Variants in GPAM observed in about 807,000 individuals in gnomAD.
GPAM encodes glycerol-3-phosphate acyltransferase 1, mitochondrial.
Under a neutral mutation model 105.0 loss-of-function variants are expected in GPAM, and 56 were observed. The ratio of observed to expected loss-of-function variants is 0.53; its 90% CI spans 0.43 to 0.67. The LOEUF (loss-of-function observed/expected upper bound fraction) is 0.67, where lower values mean the gene tolerates loss of function less well. GPAM is among the 30% of genes least tolerant of loss of function. The pLI, the probability that GPAM is intolerant of heterozygous loss-of-function variation, is 0.00. For synonymous variants in GPAM, 368 were observed against 354.4 expected (o/e 1.04, Z -0.43); for missense variants, 855 against 989.8 (o/e 0.86, Z 1.83).
intron 1 of GPAM, among the ~76,000 whole-genome samples, chr10:112,190,510 A>AG (rs1023422803): frequency 5.4e-5 from 8 of 149,162 alleles, no homozygotes; most frequent in African/African-American, 9.8e-5. Context: ...AAAAAAAAAA[A>AG]AAAAGAAAAG....
chr10:112,167,229 C>G (rs769678667), intron 11 of GPAM, among the ~76,000 whole-genome samples: 1 of 152,114 alleles, frequency 6.6e-6, no homozygotes, highest in Admixed American at 6.6e-5. Flanking sequence ...GAGCCGTAAG[C>G]TTGAAATAAG....
intron 1 of GPAM, among the ~76,000 whole-genome samples, chr10:112,208,967 G>T (rs1847881163): frequency 6.6e-6 from 1 of 152,202 alleles, no homozygotes; most frequent in Admixed American, 6.5e-5. Flanking sequence ...ACTGGCGTTG[G>T]CTGGAGAAGG....
intron 17 of GPAM, among the ~76,000 whole-genome samples, chr10:112,159,366 A>G (rs2803609): frequency 0.71 from 107,753 of 151,120 alleles, 38,517 homozygotes; most frequent in South Asian, 0.83. Flanking sequence ...GACTACAGGC[A>G]GGTGCTACTA....
intron 4 of GPAM, among the ~76,000 whole-genome samples, chr10:112,180,146 T>C (rs1306155926): frequency 1.3e-5 from 2 of 152,232 alleles, no homozygotes; most frequent in African/African-American, 4.8e-5. Context: ...TAATGTTAAG[T>C]GCTAAAGTTC....
chr10:112,213,190 A>G (rs1847931713), intron 1 of GPAM, among the ~76,000 whole-genome samples: 1 of 152,194 alleles, frequency 6.6e-6, no homozygotes, highest in East Asian at 1.9e-4. Flanking sequence ...GCTATCATTC[A>G]TTCATTTCTC....
At chr10:112,180,630 A>T (rs780907264) in intron 3 of GPAM, 35 bp from the exon 4 acceptor site, 1 of 1,581,326 alleles carries the variant, frequency 6.3e-7, no homozygotes, top group Non-Finnish European at 8.7e-7. Context: ...TAGTTTCTAA[A>T]TGGCAAGAGA....
intron 1 of GPAM, among the ~76,000 whole-genome samples, chr10:112,200,068 A>T (rs974300178): frequency 2.6e-5 from 4 of 151,500 alleles, no homozygotes; most frequent in African/African-American, 9.7e-5. Flanking sequence ...CCACACTTGG[A>T]TCTTGTTCTT....
chr10:112,188,199 C>A (rs973936904), upstream of GPAM, among the ~76,000 whole-genome samples: 2 of 151,814 alleles, frequency 1.3e-5, no homozygotes, highest in South Asian at 4.2e-4. Context: ...TCAACGAAAG[C>A]AGAAAAATTT....
intron 1 of GPAM, among the ~76,000 whole-genome samples, chr10:112,212,453 C>T (rs1847921987): frequency 1.3e-5 from 2 of 152,036 alleles, no homozygotes; most frequent in South Asian, 2.1e-4. Context: ...TCAGTAGAGA[C>T]GGGATTTCAC....
In GPAM at chr10:112,153,229, A is replaced by C. The variant is rs113136146; in HGVS notation, c.*321T>G. The stretch of plus-strand genomic sequence containing the variant: ...CATTTCTGTGTCCATCACAGTAATT[A>C]GTCCTTAAAAGTTGTACTTAAAATG... On this transcript the variant is annotated 3_prime_UTR_variant, in exon 22 of 22. Coordinates refer to ENST00000348367, the MANE Select transcript of GPAM (RefSeq NM_001244949.2). 1.7e-6 allele frequency: 2 copies of C among 1,172,752 alleles called. No individual in the cohort carries two copies. Among genetic ancestry groups the C allele is most frequent in the Non-Finnish European group, 2.1e-6 (2 of 937,504 alleles). 72.6% of individuals were successfully genotyped at this position (1,172,752 alleles called of 1,614,324 possible).
chr10:112,158,462 T>C, intron 17 of GPAM, 69 bp from the exon 18 acceptor site: 1 of 987,896 alleles, frequency 1.0e-6, no homozygotes, highest in East Asian at 2.4e-5. Flanking sequence ...GCAGAAAACA[T>C]GGTACAAGGT....
At chr10:112,175,036 G>A (rs1229571324) in intron 6 of GPAM, among the ~76,000 whole-genome samples, 3 of 152,084 alleles carry the variant, frequency 2.0e-5, no homozygotes, top group Non-Finnish European at 4.4e-5. Context: ...GAGTACGGGA[G>A]TTTGGAACAT....
intron 1 of GPAM, among the ~76,000 whole-genome samples, chr10:112,193,609 T>C (rs1488410818): frequency 6.6e-6 from 1 of 152,186 alleles, no homozygotes; most frequent in Non-Finnish European, 1.5e-5. Context: ...TCAGAATCTG[T>C]AAAGTGGCAG....
At chr10:112,164,397 TAAGAG>T (rs778463447) in intron 13 of GPAM, 123 bp downstream of exon 13, 2 of 684,912 alleles carry the variant, frequency 2.9e-6, no homozygotes, top group East Asian at 2.7e-5. Context: ...CTTATTGGAC[TAAGAG>T]AAAAGTTACT....
At chr10:112,161,955 A>T (rs1404128639) in intron 14 of GPAM, among the ~76,000 whole-genome samples, 1 of 152,220 alleles carries the variant, frequency 6.6e-6, no homozygotes, top group African/African-American at 2.4e-5. Context: ...CAACAGGCTA[A>T]GTAAGACAGG....
At chr10:112,166,325 G>T in intron 12 of GPAM, 77 bp downstream of exon 12, 1 of 803,186 alleles carries the variant, frequency 1.2e-6, no homozygotes, top group Non-Finnish European at 2.3e-6. Flanking sequence ...ACAGAGAGGT[G>T]CTGTTAAGAG....
chr10:112,198,686 G>A (rs1349425911), intron 1 of GPAM, among the ~76,000 whole-genome samples: 3 of 152,196 alleles, frequency 2.0e-5, no homozygotes, highest in Middle Eastern at 3.4e-3. Context: ...ATATCCAAAC[G>A]AATTGAAATT....
At chr10:112,175,740 AT>A (rs1418867374) in intron 5 of GPAM, 27 bp from the exon 6 acceptor site, 2 of 1,372,742 alleles carry the variant, frequency 1.5e-6, no homozygotes, top group Non-Finnish European at 2.1e-6. Flanking sequence ...GCAGAGAAGT[AT>A]TAGAGGTACC....
intron 20 of GPAM, 34 bp downstream of exon 20, chr10:112,155,830 A>AAT: frequency 1.5e-6 from 2 of 1,370,142 alleles, no homozygotes; most frequent in Non-Finnish European, 2.0e-6. Flanking sequence ...AAAAAAAAAA[A>AAT]GATTTTAAAA....
Sources: gnomAD v4.1 joint callset for allele counts (sites outside exome capture counted in the v4.1 genomes callset) on GRCh38, gnomAD v4.1.1 for gene constraint, MANE v1.5 for transcripts, NCBI Gene and HGNC (gene_info 2026-07-23, HGNC 2026-07-21) for gene names.